SEMA3A: variants seen among roughly 807,000 people sequenced by gnomAD.
SEMA3A encodes the protein semaphorin 3A.
SEMA3A carries 29 observed loss-of-function variants against 97.9 expected under a neutral mutation model. That is an observed-to-expected ratio of 0.30 (90% CI 0.22 to 0.40). The LOEUF is 0.40. Among genes scored for constraint, SEMA3A ranks in the 10% least tolerant of loss-of-function variants. The probability of loss-of-function intolerance (pLI) is 1.00; values close to 1 mark genes in which losing one functional copy is unlikely to be tolerated. For missense variants in SEMA3A, 763 were observed against 951.3 expected, an observed-to-expected ratio of 0.80 and a Z score of 2.60; for synonymous variants, 321 against 323.7, an observed-to-expected ratio of 0.99 and a Z score of 0.09.
intron 1 of SEMA3A, among the ~76,000 whole-genome samples, chr7:84,449,118 A>C (rs938694945): frequency 3.3e-5 from 5 of 152,196 alleles, no homozygotes; most frequent in Non-Finnish European, 7.4e-5. Context: ...ACCTTTACCT[A>C]ACACCATATA....
intron 2 of SEMA3A, among the ~76,000 whole-genome samples, chr7:84,347,871 T>C (rs1432817563): frequency 6.6e-6 from 1 of 152,142 alleles, no homozygotes; most frequent in Non-Finnish European, 1.5e-5. Context: ...CTGCAAAAGG[T>C]ATAAGGCAAC....
At chr7:84,329,230 T>C (rs1294661325) in intron 2 of SEMA3A, among the ~76,000 whole-genome samples, 1 of 152,010 alleles carries the variant, frequency 6.6e-6, no homozygotes, top group Non-Finnish European at 1.5e-5. Context: ...ACATTGAGTG[T>C]TCAAGACATT....
At chr7:84,266,064 A>G (rs1426256497) in intron 3 of SEMA3A, among the ~76,000 whole-genome samples, 1 of 152,106 alleles carries the variant, frequency 6.6e-6, no homozygotes, top group African/African-American at 2.4e-5. Flanking sequence ...CACATCTGTA[A>G]TCCCAACACT....
At chr7:84,393,249 C>G (rs1160780513) in intron 1 of SEMA3A, among the ~76,000 whole-genome samples, 1 of 152,086 alleles carries the variant, frequency 6.6e-6, no homozygotes, top group Non-Finnish European at 1.5e-5. Flanking sequence ...GGTCCAATTT[C>G]ATTCCTTTGC....
Position 84,014,247 on chromosome 7 carries a change from C to T in SEMA3A, c.772G>A (p.Gly258Arg). 1 of 1,613,510 alleles carries T rather than the reference C, an allele frequency of 6.2e-7. No individual in the cohort carries two copies. Among genetic ancestry groups the T allele is most frequent in the Non-Finnish European group, 8.5e-7 (1 of 1,179,780 alleles). Residue 258 changes from glycine to arginine, a missense_variant, in exon 7 of 17, where the codon GGA (glycine) becomes AGA (arginine). By Grantham distance (125) the Gly-to-Arg change is moderately radical. This residue lies in a region of SEMA3A where 678 missense variants were observed against 881.3 expected (regional missense o/e 0.77). Transcript: ENST00000265362. Reference protein sequence around the residue: ...RENAIDGEHSGKATHARIGQI... With the variant: ...RENAIDGEHSRKATHARIGQI... ...CCTATTCTAGCGTGAGTAGCTTTTC[C>T]AGAGTGTTCTCCATCTATTGCATTT...
intron 1 of SEMA3A, among the ~76,000 whole-genome samples, chr7:84,431,767 T>G (rs2116320335): frequency 6.6e-6 from 1 of 152,140 alleles, no homozygotes; most frequent in Non-Finnish European, 1.5e-5. Flanking sequence ...AACAAGCATA[T>G]ATCAACATTT....
At chr7:84,400,239 T>C (rs1803864365) in intron 1 of SEMA3A, among the ~76,000 whole-genome samples, 1 of 152,030 alleles carries the variant, frequency 6.6e-6, no homozygotes, top group Non-Finnish European at 1.5e-5. Context: ...TCAATGAATG[T>C]CCACAAGCAT....
In SEMA3A at chr7:83,960,089, A is replaced by C. The variant is rs1346316440; in HGVS notation, c.*1282T>G. ...GGTAAGAGGCACCTGATACAGATGT[A>C]AATGATTGGAAACTTTGCCTTTAAC... On this transcript the variant is annotated 3_prime_UTR_variant, in exon 17 of 17. Coordinates refer to ENST00000265362, the MANE Select transcript of SEMA3A (RefSeq NM_006080.3). 2 of 152,068 alleles carry C rather than the reference A, an allele frequency of 1.3e-5. No individual in the cohort carries two copies. The allele number at this position is 152,068 out of a possible 1,614,324, so 9.4% of individuals were successfully genotyped here. A position where few individuals can be genotyped will look rare whatever the true frequency, so the allele number is the denominator to read the frequency against.
Position 83,961,156 on chromosome 7 carries a change from C to G in SEMA3A, c.*215G>C. The G allele has an allele frequency of 1.8e-6, 1 of 568,642 alleles. No homozygotes were observed. Among genetic ancestry groups the G allele is most frequent in the Non-Finnish European group, 3.1e-6 (1 of 318,692 alleles). 35.2% of individuals were successfully genotyped at this position (568,642 alleles called of 1,614,324 possible). On this transcript the variant is annotated 3_prime_UTR_variant, in exon 17 of 17. Transcript: ENST00000265362. The stretch of plus-strand genomic sequence containing the variant: ...TGCTAAAGTGAACATCTGCATTCAC[C>G]TGTGTTCTCTGTTAGGTGGTGGTAT...
intron 6 of SEMA3A, among the ~76,000 whole-genome samples, chr7:84,018,120 T>A (rs942268003): frequency 1.3e-5 from 2 of 152,180 alleles, no homozygotes; most frequent in African/African-American, 4.8e-5. Context: ...AATCGACAAA[T>A]ATACATCTTT....
chr7:84,419,364 A>G (rs1804524757), intron 1 of SEMA3A, among the ~76,000 whole-genome samples: 1 of 152,110 alleles, frequency 6.6e-6, no homozygotes, highest in African/African-American at 2.4e-5. Flanking sequence ...TGATACAGCT[A>G]TGTATTGTTA....
At chr7:84,355,002 C>T (rs1200325991) in intron 2 of SEMA3A, among the ~76,000 whole-genome samples, 2 of 151,758 alleles carry the variant, frequency 1.3e-5, no homozygotes, top group African/African-American at 2.4e-5. Flanking sequence ...ACAGCATCTG[C>T]ATACCAGACC....
chr7:84,215,065 G>C (rs951904960), intron 3 of SEMA3A, among the ~76,000 whole-genome samples: 1 of 151,988 alleles, frequency 6.6e-6, no homozygotes, highest in Non-Finnish European at 1.5e-5. Flanking sequence ...TAGAGACAGG[G>C]TTTCACCATG....
chr7:84,339,966 T>C (rs1279935792), intron 2 of SEMA3A, among the ~76,000 whole-genome samples: 1 of 151,984 alleles, frequency 6.6e-6, no homozygotes, highest in Non-Finnish European at 1.5e-5. Flanking sequence ...ACATAGAAGA[T>C]TTGAAGTCAC....
chr7:84,360,142 G>C (rs1438274220), intron 2 of SEMA3A, among the ~76,000 whole-genome samples: 2 of 151,930 alleles, frequency 1.3e-5, no homozygotes, highest in African/African-American at 2.4e-5. Flanking sequence ...ATCTCCTTCA[G>C]CTCTGCTCTG....
intron 12 of SEMA3A, among the ~76,000 whole-genome samples, chr7:83,992,494 G>A (rs1022225387): frequency 1.3e-4 from 19 of 151,674 alleles, no homozygotes; most frequent in East Asian, 3.9e-4. Flanking sequence ...CTTTGAATGC[G>A]TCCCAGAGAT....
At chr7:84,446,800 C>T (rs1442875179) in intron 1 of SEMA3A, among the ~76,000 whole-genome samples, 2 of 152,164 alleles carry the variant, frequency 1.3e-5, no homozygotes, top group African/African-American at 4.8e-5. Context: ...GGAGCAGCTG[C>T]TGCAAGGATG....
intron 1 of SEMA3A, among the ~76,000 whole-genome samples, chr7:84,169,853 C>T (rs1797332251): frequency 6.6e-6 from 1 of 151,830 alleles, no homozygotes; most frequent in African/African-American, 2.4e-5. Flanking sequence ...GTAACAATTC[C>T]TTTGCATAAA....
intron 1 of SEMA3A, among the ~76,000 whole-genome samples, chr7:84,386,941 A>C (rs1803412852): frequency 1.3e-5 from 2 of 152,122 alleles, no homozygotes; most frequent in African/African-American, 4.8e-5. Context: ...CAGAGGTTGC[A>C]GTGAGCCGAG....
Sources: gnomAD v4.1 joint callset for allele counts (sites outside exome capture counted in the v4.1 genomes callset) on GRCh38, gnomAD v4.1.1 for gene constraint, gnomAD v4.1.1 regional missense constraint, MANE v1.5 for transcripts, NCBI Gene and HGNC (gene_info 2026-07-23, HGNC 2026-07-21) for gene names.